The following RFX2 variants were observed in gnomAD, a reference collection of about 807,000 sequenced individuals.
RFX2 encodes DNA-binding protein RFX2.
A neutral mutation model predicts 87.8 loss-of-function variants in RFX2; 20 were observed. The observed-to-expected ratio is 0.23, with a 90% confidence interval of 0.16 to 0.33. RFX2 has a LOEUF of 0.33. Ranked by LOEUF, RFX2 falls within the 10% of genes least tolerant of loss-of-function variation. The probability of loss-of-function intolerance (pLI) is 1.00; values close to 1 mark genes in which losing one functional copy is unlikely to be tolerated. For missense variants in RFX2, 767 were observed against 1,012.3 expected (o/e 0.76, Z 3.29); for synonymous variants, 397 against 431.3 (o/e 0.92, Z 0.98).
chr19:6,098,965 C>CAAAAA lies in RFX2; in HGVS notation c.-9+11423_-9+11427dup, dbSNP rs34110529. On this transcript the variant is annotated intron_variant, in intron 1 of 17. Transcript: ENST00000303657. ...AATCTTTCACAAACTGCTTGAACCA[C>CAAAAA]AAAAAAAAAAAAAAAAAAAAAAAAA... Among the ~76,000 whole-genome samples the CAAAAA allele has an allele frequency of 2.2e-3, 118 of 52,762 alleles. 15 individuals are homozygous for CAAAAA. The highest frequency in any genetic ancestry group is 5.6e-3 in the African/African-American group (107 of 19,180). 34.6% of individuals were successfully genotyped at this position (52,762 alleles called of 152,430 possible).
intron 5 of RFX2, among the ~76,000 whole-genome samples, chr19:6,028,748 C>T (rs935985420): frequency 3.3e-5 from 5 of 151,872 alleles, no homozygotes; most frequent in Admixed American, 2.0e-4. Flanking sequence ...AGGAAATTTT[C>T]GTCAGATCAC....
At chr19:6,014,679 C>G (rs745638425) in intron 7 of RFX2, among the ~76,000 whole-genome samples, 4 of 152,206 alleles carry the variant, frequency 2.6e-5, no homozygotes, top group Non-Finnish European at 5.9e-5. Context: ...CTGGGATACT[C>G]TGCAGGGGAG....
Position 6,004,662 on chromosome 19 carries a change from A to G in RFX2, c.1403-364T>C, listed in dbSNP as rs2086552175. On this transcript the variant is annotated intron_variant, in intron 12 of 17. Transcript: ENST00000303657. This position sits in a 1 kb window ranked among gnomAD's most constrained non-coding sequence, Gnocchi z 4.8. The stretch of plus-strand genomic sequence containing the variant: ...TGCCCAGGAGGGCCCCACCCCAGAC[A>G]ACGATCCAGCCCCAGATATCAACAG... Among the ~76,000 whole-genome samples the G allele has an allele frequency of 6.6e-6, 1 of 152,194 alleles. No individual in the cohort carries two copies.
chr19:6,086,535 T>C (rs1264775260), intron 1 of RFX2, among the ~76,000 whole-genome samples: 1 of 152,240 alleles, frequency 6.6e-6, no homozygotes, highest in Non-Finnish European at 1.5e-5. Context: ...GGATCACTTG[T>C]ATATGTGGTC....
chr19:5,997,383 A>G lies in RFX2; in HGVS notation c.1860-170T>C, dbSNP rs953884437. Reference sequence around the variant, plus strand: ...ACGCGGGGGCTGACGGGCTGCCGAGACCCTGGGCCCACGTGACGGACAGGT... The same window carrying G: ...ACGCGGGGGCTGACGGGCTGCCGAGGCCCTGGGCCCACGTGACGGACAGGT... On this transcript the variant is annotated intron_variant, in intron 15 of 17. Coordinates refer to ENST00000303657, the MANE Select transcript of RFX2 (RefSeq NM_000635.4). This position sits in a 1 kb window ranked among gnomAD's most constrained non-coding sequence, Gnocchi z 4.2. The G allele has an allele frequency of 9.0e-5, 66 of 734,500 alleles. No individual in the cohort carries two copies. In the African/African-American group the frequency reaches 1.1e-3, roughly 13 times the overall value. 45.5% of individuals were successfully genotyped at this position (734,500 alleles called of 1,614,324 possible).
intron 1 of RFX2, among the ~76,000 whole-genome samples, chr19:6,079,569 C>T (rs769149057): frequency 3.9e-5 from 6 of 152,162 alleles, no homozygotes; most frequent in Non-Finnish European, 8.8e-5. Context: ...GCTCTCCATC[C>T]TGTTTGAGAT....
At chr19:6,008,257 C>T (rs748616081) in intron 9 of RFX2, 33 bp from the exon 10 acceptor site, 9 of 1,441,176 alleles carry the variant, frequency 6.2e-6, no homozygotes, top group Non-Finnish European at 8.5e-6. Flanking sequence ...TCAGAAATGG[C>T]GAGGCTCTTA....
intron 9 of RFX2, among the ~76,000 whole-genome samples, chr19:6,009,841 CG>C (rs35168099): frequency 6.6e-6 from 1 of 152,214 alleles, no homozygotes; most frequent in Admixed American, 6.5e-5. Context: ...GTTGGGATCA[CG>C]GGCATGAGCC....
chr19:6,004,909 C>T lies in RFX2; in HGVS notation c.1403-611G>A, dbSNP rs960040182. ...CGAGGTGGGCGGATCACCTGAGGTC[C>T]GGAGTTCGAGACCAGCCTGGCCAAC... On this transcript the variant is annotated intron_variant, in intron 12 of 17. Transcript: ENST00000303657. The surrounding 1 kb of genome is among the most constrained non-coding windows in gnomAD (Gnocchi z 4.8). Among the ~76,000 whole-genome samples, 9 of 151,770 alleles carry T rather than the reference C, an allele frequency of 5.9e-5. No homozygotes were observed. The highest frequency in any genetic ancestry group is 1.3e-4 in the Non-Finnish European group (9 of 67,948).
rs7246824 is a variant in RFX2, at chr19:6,090,123, G to C, written c.-9+20270C>G. On this transcript the variant is annotated intron_variant, in intron 1 of 17. Transcript: ENST00000303657. ...ACCAGAGGCCCACACCACCACACCT[G>C]GCTATTTTTGCATTTTGAATTTTTC... 6.9e-3 allele frequency among the ~76,000 whole-genome samples: 1,051 copies of C among 151,984 alleles called. 16 individuals carry two copies. Among genetic ancestry groups the C allele is most frequent in the African/African-American group, 0.024 (999 of 41,462 alleles).
intron 1 of RFX2, chr19:6,073,045 T>TA: frequency 2.1e-6 from 1 of 480,732 alleles, no homozygotes; most frequent in Non-Finnish European, 3.8e-6. Flanking sequence ...AGTGGTGCGA[T>TA]CTCAGCTCAC....
intron 5 of RFX2, among the ~76,000 whole-genome samples, chr19:6,033,999 T>C (rs2144750134): frequency 6.6e-6 from 1 of 152,332 alleles, no homozygotes; most frequent in South Asian, 2.1e-4. Context: ...GCTCTGATCA[T>C]TGGACAAAAG....
In RFX2 at chr19:6,040,039, C is replaced by T. The variant is rs772426061; in HGVS notation, c.463G>A (p.Gly155Arg). ...VSSAGAYLIHGGMDSTRHSLA... is the reference protein window; with the variant it reads ...VSSAGAYLIHRGMDSTRHSLA... ...GAGTGTCTGGTGCTGTCCATCCCCC[C>T]GTGGATGAGATAGGCTCCCGCGCTG... Residue 155 changes from glycine to arginine, a missense_variant, in exon 5 of 18, where the codon GGG becomes AGG. This residue lies in a region of RFX2 where 621 missense variants were observed against 873.0 expected (regional missense o/e 0.71). Transcript: ENST00000303657. The surrounding 1 kb of genome is among the most constrained non-coding windows in gnomAD (Gnocchi z 6.1). 6 of 1,609,738 alleles carry T rather than the reference C, an allele frequency of 3.7e-6. No individual in the cohort carries two copies. The highest frequency in any genetic ancestry group is 3.3e-5 in the South Asian group (3 of 90,818).
chr19:6,069,054 G>A (rs983843167), intron 1 of RFX2, among the ~76,000 whole-genome samples: 1 of 152,214 alleles, frequency 6.6e-6, no homozygotes, highest in African/African-American at 2.4e-5. Flanking sequence ...AAAGGATGAG[G>A]TCAGGAAAAT....
intron 1 of RFX2, among the ~76,000 whole-genome samples, chr19:6,076,533 C>T (rs1420953358): frequency 1.3e-5 from 2 of 152,176 alleles, no homozygotes; most frequent in Admixed American, 6.5e-5. Flanking sequence ...TCTTTCTGCA[C>T]TTCCATTTCT....
At chr19:6,015,550 G>A (rs2086714070) in intron 7 of RFX2, among the ~76,000 whole-genome samples, 1 of 152,048 alleles carries the variant, frequency 6.6e-6, no homozygotes, top group Non-Finnish European at 1.5e-5. Context: ...GTGCAGTGGT[G>A]CAATCGTGGC....
At chr19:6,018,112 A>T (rs1276506670) in intron 6 of RFX2, among the ~76,000 whole-genome samples, 2 of 152,052 alleles carry the variant, frequency 1.3e-5, no homozygotes, top group Non-Finnish European at 2.9e-5. Context: ...AGTAGCTGGC[A>T]TTATAGGCAT....
At position 6,026,055 on chromosome 19, in the gene RFX2, G is replaced by T. The variant is rs1055761615; in HGVS notation, c.597+108C>A. ...CCGCCTTGGCCTCCCAAAGTGCTGG[G>T]ATTACAGGTGTGAGCCACCGCACCT... is the stretch of plus-strand genomic sequence containing the variant. On this transcript the variant is annotated intron_variant, in intron 6 of 17. Transcript: ENST00000303657. This position sits in a 1 kb window ranked among gnomAD's most constrained non-coding sequence, Gnocchi z 4.5. 6.4e-5 allele frequency: 58 copies of T among 912,070 alleles called. No individual in the cohort carries two copies. The Admixed American group carries it at 7.2e-4, about 11-fold the overall frequency. 56.5% of individuals were successfully genotyped at this position (912,070 alleles called of 1,614,324 possible). A position where few individuals can be genotyped will look rare whatever the true frequency, so the allele number is the denominator to read the frequency against.
At chr19:6,065,529 C>A (rs1042332684) in intron 1 of RFX2, among the ~76,000 whole-genome samples, 6 of 152,092 alleles carry the variant, frequency 3.9e-5, no homozygotes, top group Non-Finnish European at 7.3e-5. Context: ...CGCCTGTAGT[C>A]CCAGCTACTC....
Sources: gnomAD v4.1 joint callset for allele counts (sites outside exome capture counted in the v4.1 genomes callset) on GRCh38, gnomAD v4.1.1 for gene constraint, gnomAD v4.1.1 regional missense constraint, Gnocchi (gnomAD v3.1) non-coding constraint, MANE v1.5 for transcripts, NCBI Gene and HGNC (gene_info 2026-07-23, HGNC 2026-07-21) for gene names.